FMN2: variants seen among roughly 807,000 people sequenced by gnomAD.
The protein encoded by FMN2 is formin-2.
In FMN2, 51 loss-of-function variants were observed where a neutral mutation model predicts 142.3. The ratio of observed to expected loss-of-function variants is 0.36; its 90% CI spans 0.29 to 0.45. The LOEUF is 0.45. Ranked by LOEUF, FMN2 falls within the 20% of genes least tolerant of loss-of-function variation. The pLI is 1.00. For synonymous variants in FMN2, 882 were observed against 869.8 expected (o/e 1.01, Z -0.25); for missense variants, 1,936 against 2,122.8 (o/e 0.91, Z 1.73).
chr1:240,252,998 G>C lies in FMN2; in HGVS notation c.4066-4947G>C, dbSNP rs1187369880. ...AGACAGAGTCTCACTCTGTCACCAG[G>C]CTGGAGTGCAGTGGTGCAATCTTGG... is the stretch of plus-strand genomic sequence containing the variant. On this transcript the variant is annotated intron_variant, in intron 6 of 17. Coordinates refer to ENST00000319653, the MANE Select transcript of FMN2 (RefSeq NM_020066.5). 2.4e-4 allele frequency among the ~76,000 whole-genome samples: 27 copies of C among 114,706 alleles called. 1 individual carries two copies. The highest frequency in any genetic ancestry group is 0.014 in the Middle Eastern group (2 of 148). The allele number at this position is 114,706 out of a possible 152,430, so 75.3% of individuals were successfully genotyped here. A position where few individuals can be genotyped will look rare whatever the true frequency, so the allele number is the denominator to read the frequency against.
intron 9 of FMN2, 75 bp downstream of exon 9, chr1:240,329,242 C>T (rs1365974437): frequency 4.4e-6 from 7 of 1,594,840 alleles, no homozygotes; most frequent in African/African-American, 2.7e-5. Flanking sequence ...AATGCAAATG[C>T]GGTGTCTTCA....
intron 7 of FMN2, chr1:240,285,134 G>T (rs6673167): frequency 0.12 from 51,427 of 435,310 alleles, 3,397 homozygotes; most frequent in African/African-American, 0.15. Context: ...AATTAGGAGG[G>T]TGTTGCAAGA....
rs1025873105 is a variant in FMN2, at chr1:240,334,284, G to A, written c.4765+55G>A. The A allele has an allele frequency of 1.1e-4, 159 of 1,489,814 alleles. 1 individual carries two copies. Among genetic ancestry groups the A allele is most frequent in the Non-Finnish European group, 1.3e-4 (145 of 1,121,864 alleles). The allele number at this position is 1,489,814 out of a possible 1,614,324, so 92.3% of individuals were successfully genotyped here. A position where few individuals can be genotyped will look rare whatever the true frequency, so the allele number is the denominator to read the frequency against. ...TGTTTATGCTTTTTTAATGAGAGAA[G>A]GCAGACTTTTCAATGTTTTTAGAGA... On this transcript the variant is annotated intron_variant, in intron 13 of 17. Coordinates refer to ENST00000319653, the MANE Select transcript of FMN2 (RefSeq NM_020066.5).
At chr1:240,373,011 C>T (rs1398574598) in intron 14 of FMN2, among the ~76,000 whole-genome samples, 2 of 152,132 alleles carry the variant, frequency 1.3e-5, no homozygotes, top group Non-Finnish European at 2.9e-5. Flanking sequence ...ACGGTGAAAC[C>T]TCACCTCTAC....
At chr1:240,470,914 CA>C (rs553062670) in intron 16 of FMN2, among the ~76,000 whole-genome samples, 33 of 151,838 alleles carry the variant, frequency 2.2e-4, no homozygotes, top group Admixed American at 3.9e-4. Context: ...TAGCCTTTTA[CA>C]ATGCATAAAG....
At chr1:240,208,860 A>T in intron 5 of FMN2, 128 bp downstream of exon 5, 1 of 1,209,556 alleles carries the variant, frequency 8.3e-7, no homozygotes, top group Non-Finnish European at 1.1e-6. Flanking sequence ...CTAGATTTTT[A>T]CATCAATATA....
chr1:240,101,009 A>T (rs952425104), intron 1 of FMN2, among the ~76,000 whole-genome samples: 6 of 152,182 alleles, frequency 3.9e-5, no homozygotes, highest in African/African-American at 1.4e-4. Flanking sequence ...TGTGTCATTT[A>T]AATGGTTGTT....
At chr1:240,250,848 C>T (rs1668253152) in intron 6 of FMN2, among the ~76,000 whole-genome samples, 1 of 152,036 alleles carries the variant, frequency 6.6e-6, no homozygotes, top group East Asian at 1.9e-4. Context: ...TATTCATTTC[C>T]TCTAGATTTT....
intron 3 of FMN2, among the ~76,000 whole-genome samples, chr1:240,186,478 A>G (rs553279221): frequency 1.3e-5 from 2 of 152,342 alleles, no homozygotes; most frequent in South Asian, 2.1e-4. Flanking sequence ...CAAATGCATT[A>G]TGGAGTATAT....
chr1:240,271,527 A>G (rs1047649636), intron 7 of FMN2, among the ~76,000 whole-genome samples: 8 of 151,162 alleles, frequency 5.3e-5, no homozygotes, highest in Non-Finnish European at 8.8e-5. Context: ...CACATGGGAT[A>G]TAGAATTTTA....
chr1:240,124,605 C>T (rs1662423639), intron 2 of FMN2, among the ~76,000 whole-genome samples: 1 of 152,068 alleles, frequency 6.6e-6, no homozygotes, highest in Non-Finnish European at 1.5e-5. Flanking sequence ...GGATGAAATT[C>T]TCATAACAAA....
intron 1 of FMN2, among the ~76,000 whole-genome samples, chr1:240,117,234 G>A (rs1662059431): frequency 6.6e-6 from 1 of 152,218 alleles, no homozygotes; most frequent in Admixed American, 6.5e-5. Flanking sequence ...TAAATCATTT[G>A]ACAATATCAT....
At position 240,398,194 on chromosome 1, in the gene FMN2, G is replaced by T. The variant is rs202199726; in HGVS notation, c.4910+5632G>T. 4.4e-4 allele frequency among the ~76,000 whole-genome samples: 67 copies of T among 152,122 alleles called. No homozygotes were observed. The East Asian group carries it at 0.011, about 26-fold the overall frequency. ...TTTTCTTGTATTTTTAGTATAGATG[G>T]GGTTTTGCCATGTTGGCCAGGCTGG... On this transcript the variant is annotated intron_variant, in intron 15 of 17. Transcript: ENST00000319653.
chr1:240,245,153 A>G (rs1417865036), intron 6 of FMN2: 1 of 218,818 alleles, frequency 4.6e-6, no homozygotes, highest in Non-Finnish European at 9.2e-6. Context: ...GAGAAGCATC[A>G]CAGTGGAATG....
intron 6 of FMN2, among the ~76,000 whole-genome samples, chr1:240,252,635 CG>C (rs201145011): frequency 1.7e-4 from 25 of 148,074 alleles, no homozygotes; most frequent in Non-Finnish European, 2.8e-4. Flanking sequence ...GTTATTCTGA[CG>C]GGGGGGGTGG....
Position 240,188,176 on chromosome 1 carries a change from A to T in FMN2, c.1931-31A>T, listed in dbSNP as rs556528693. 8.1e-5 allele frequency: 130 copies of T among 1,609,422 alleles called. 2 individuals are homozygous for T. The South Asian group carries it at 1.4e-3, about 17-fold the overall frequency. On this transcript the variant is annotated intron_variant, in intron 3 of 17. Coordinates refer to ENST00000319653, the MANE Select transcript of FMN2 (RefSeq NM_020066.5). ...AGAAATAGGAAAATTGTCCTTTAAG[A>T]TACTGACTGTCTGCTTCCTTTCCAA...
chr1:240,248,432 GATATATATATAT>G (rs36215850), intron 6 of FMN2, among the ~76,000 whole-genome samples: 14 of 142,440 alleles, frequency 9.8e-5, no homozygotes, highest in East Asian at 8.1e-4. Flanking sequence ...CATGTGATTG[GATATATATATAT>G]ATATATATAT....
intron 6 of FMN2, among the ~76,000 whole-genome samples, chr1:240,228,505 G>C (rs1183078890): frequency 6.6e-6 from 1 of 151,880 alleles, no homozygotes; most frequent in African/African-American, 2.4e-5. Context: ...CATGTGCAAG[G>C]ATGGCTATAA....
At chr1:240,389,815 A>G (rs1189852994) in intron 14 of FMN2, among the ~76,000 whole-genome samples, 2 of 152,076 alleles carry the variant, frequency 1.3e-5, no homozygotes, top group Admixed American at 6.6e-5. Context: ...AAATTTAGCC[A>G]GGTGTGTTGG....
Sources: gnomAD v4.1 joint callset for allele counts (sites outside exome capture counted in the v4.1 genomes callset) on GRCh38, gnomAD v4.1.1 for gene constraint, MANE v1.5 for transcripts, NCBI Gene and HGNC (gene_info 2026-07-23, HGNC 2026-07-21) for gene names.